Variants in AGBL4 observed in about 807,000 individuals in gnomAD.
AGBL4 encodes the protein AGBL carboxypeptidase 4.
In AGBL4, 58 loss-of-function variants were observed where a neutral mutation model predicts 66.4. The ratio of observed to expected loss-of-function variants is 0.87; its 90% CI spans 0.71 to 1.09. The LOEUF (loss-of-function observed/expected upper bound fraction) is 1.09. AGBL4 is among the 50% of genes least tolerant of loss of function. The probability of loss-of-function intolerance (pLI) is 0.00; values close to 1 mark genes in which losing one functional copy is unlikely to be tolerated. For synonymous variants in AGBL4, 234 were observed against 222.9 expected, an observed-to-expected ratio of 1.05 and a Z score of -0.44; for missense variants, 579 against 631.0, an observed-to-expected ratio of 0.92 and a Z score of 0.88.
At chr1:49,159,415 T>G (rs904140702) in intron 4 of AGBL4, among the ~76,000 whole-genome samples, 1 of 152,206 alleles carries the variant, frequency 6.6e-6, no homozygotes, top group African/African-American at 2.4e-5. Context: ...GCTTGTAGGA[T>G]TTCTGCAGAG....
chr1:49,310,278 C>A (rs918267507), intron 3 of AGBL4, among the ~76,000 whole-genome samples: 1 of 151,988 alleles, frequency 6.6e-6, no homozygotes, highest in African/African-American at 2.4e-5. Flanking sequence ...GAGTTTTGAA[C>A]AGACAAATGA....
chr1:49,622,648 A>G (rs910657829), intron 3 of AGBL4, among the ~76,000 whole-genome samples: 68 of 150,004 alleles, frequency 4.5e-4, no homozygotes, highest in Admixed American at 9.2e-4. Context: ...AAAAAAAAAA[A>G]AAAAAAGAAA....
chr1:49,014,798 T>C (rs1189161816), intron 5 of AGBL4, among the ~76,000 whole-genome samples: 1 of 152,212 alleles, frequency 6.6e-6, no homozygotes, highest in African/African-American at 2.4e-5. Flanking sequence ...GCAGTAGCCA[T>C]ATAACTTACC....
chr1:48,714,785 C>T (rs1338371095), intron 6 of AGBL4, among the ~76,000 whole-genome samples: 1 of 152,230 alleles, frequency 6.6e-6, no homozygotes, highest in Non-Finnish European at 1.5e-5. Flanking sequence ...TGTGCAGGTC[C>T]TCCAGCAGGC....
intron 5 of AGBL4, among the ~76,000 whole-genome samples, chr1:48,987,441 A>T (rs1187888658): frequency 6.6e-6 from 1 of 152,066 alleles, no homozygotes; most frequent in Non-Finnish European, 1.5e-5. Context: ...TCATAATAAT[A>T]AAGGGGTTAA....
intron 2 of AGBL4, among the ~76,000 whole-genome samples, chr1:49,817,920 C>CA (rs1488879591): frequency 6.6e-6 from 1 of 152,064 alleles, no homozygotes; most frequent in Non-Finnish European, 1.5e-5. Context: ...CGAGTAATGT[C>CA]ATATATGTGA....
chr1:49,417,480 GA>G (rs1360719528), intron 3 of AGBL4, among the ~76,000 whole-genome samples: 1 of 152,090 alleles, frequency 6.6e-6, no homozygotes, highest in African/African-American at 2.4e-5. Context: ...AAGGGAGAAG[GA>G]GATCAATAGT....
intron 4 of AGBL4, among the ~76,000 whole-genome samples, chr1:49,191,187 G>A (rs1403211018): frequency 6.6e-6 from 1 of 152,162 alleles, no homozygotes; most frequent in Non-Finnish European, 1.5e-5. Context: ...GTACATTAAG[G>A]GAAGGACGAA....
chr1:49,972,201 G>A (rs548226735), intron 1 of AGBL4, among the ~76,000 whole-genome samples: 42 of 151,720 alleles, frequency 2.8e-4, no homozygotes, highest in Admixed American at 1.8e-3. Context: ...GAGCCACCAC[G>A]CCCGGCCCAA....
At chr1:49,887,975 G>T (rs987473859) in intron 1 of AGBL4, among the ~76,000 whole-genome samples, 1 of 151,982 alleles carries the variant, frequency 6.6e-6, no homozygotes, top group African/African-American at 2.4e-5. Context: ...ACTCAAACAG[G>T]TTCAACATTT....
At chr1:49,719,743 T>C (rs1170709733) in intron 2 of AGBL4, among the ~76,000 whole-genome samples, 1 of 152,068 alleles carries the variant, frequency 6.6e-6, no homozygotes, top group Non-Finnish European at 1.5e-5. Context: ...CCACATGCTA[T>C]GGGAGGGATC....
intron 3 of AGBL4, among the ~76,000 whole-genome samples, chr1:49,580,783 T>A (rs1280267607): frequency 6.6e-6 from 1 of 152,194 alleles, no homozygotes; most frequent in African/African-American, 2.4e-5. Context: ...TCTCTTGCTG[T>A]TTTTTAGAAT....
chr1:48,601,019 T>C lies in AGBL4; in HGVS notation c.952-10034A>G, dbSNP rs76058222. On this transcript the variant is annotated intron_variant, in intron 9 of 13. Transcript: ENST00000371839. ...AGATGAGAGGCTCAGCCCAGGAGGT[T>C]TGGGTTTATAATAGACCTTCCCAGG... is the stretch of plus-strand genomic sequence containing the variant. Among the ~76,000 whole-genome samples, 213 of 152,224 alleles carry C rather than the reference T, an allele frequency of 1.4e-3. 3 individuals are homozygous for C. The East Asian group carries it at 0.034, about 25-fold the overall frequency.
intron 3 of AGBL4, among the ~76,000 whole-genome samples, chr1:49,267,026 A>G (rs760914776): frequency 5.9e-5 from 9 of 152,200 alleles, no homozygotes; most frequent in Non-Finnish European, 1.2e-4. Flanking sequence ...ACTGTTATGG[A>G]GAAAACAAGC....
At chr1:49,427,136 A>C (rs1001760151) in intron 3 of AGBL4, among the ~76,000 whole-genome samples, 2 of 152,042 alleles carry the variant, frequency 1.3e-5, no homozygotes, top group Non-Finnish European at 2.9e-5. Context: ...AGAAAGAAAA[A>C]ACATTGATTG....
intron 3 of AGBL4, among the ~76,000 whole-genome samples, chr1:49,255,706 T>C (rs1652429674): frequency 6.6e-6 from 1 of 152,150 alleles, no homozygotes; most frequent in African/African-American, 2.4e-5. Flanking sequence ...TAAAGACACA[T>C]GCATGCATGT....
chr1:49,351,895 T>C (rs1025105268), intron 3 of AGBL4, among the ~76,000 whole-genome samples: 9 of 152,226 alleles, frequency 5.9e-5, no homozygotes, highest in African/African-American at 1.7e-4. Context: ...ATATCTGATA[T>C]TCTAAGCCAT....
chr1:49,176,837 G>A (rs1432495704), intron 4 of AGBL4, among the ~76,000 whole-genome samples: 2 of 151,780 alleles, frequency 1.3e-5, no homozygotes, highest in Admixed American at 1.3e-4. Context: ...TCTCATACAC[G>A]CATAACATGT....
At chr1:49,533,187 C>A (rs935388322) in intron 3 of AGBL4, among the ~76,000 whole-genome samples, 2 of 152,102 alleles carry the variant, frequency 1.3e-5, no homozygotes, top group African/African-American at 4.8e-5. Flanking sequence ...CCACCTACAC[C>A]CCGCCCCCAC....
Sources: gnomAD v4.1 joint callset for allele counts (sites outside exome capture counted in the v4.1 genomes callset) on GRCh38, gnomAD v4.1.1 for gene constraint, MANE v1.5 for transcripts, NCBI Gene and HGNC (gene_info 2026-07-23, HGNC 2026-07-21) for gene names.